NOP2: variants seen among roughly 807,000 people sequenced by gnomAD.
The protein encoded by NOP2 is NOP2 nucleolar protein, also known as 28S rRNA (cytosine(4447)-C(5))-methyltransferase.
A neutral mutation model predicts 72.7 loss-of-function variants in NOP2; 7 were observed. The observed-to-expected ratio is 0.10, with a 90% CI of 0.05 to 0.18. The LOEUF (loss-of-function observed/expected upper bound fraction) is 0.18. Among genes scored for constraint, NOP2 ranks in the 10% least tolerant of loss-of-function variants. The pLI is 1.00. For synonymous variants in NOP2, 387 were observed against 388.0 expected, an observed-to-expected ratio of 1.00 and a Z score of 0.03; for missense variants, 954 against 1,014.7, an observed-to-expected ratio of 0.94 and a Z score of 0.81.
intron 5 of NOP2, among the ~76,000 whole-genome samples, chr12:6,565,717 C>T (rs1216760765): frequency 6.6e-6 from 1 of 151,508 alleles, no homozygotes; most frequent in Non-Finnish European, 1.5e-5. Context: ...TCAAGCAATC[C>T]TCCTGCCTCA....
chr12:6,567,315 A>G (rs1341358789), intron 2 of NOP2, among the ~76,000 whole-genome samples: 3 of 152,130 alleles, frequency 2.0e-5, no homozygotes, highest in African/African-American at 7.2e-5. Flanking sequence ...TACTATCTCA[A>G]TAAACTGCAT....
intron 15 of NOP2, among the ~76,000 whole-genome samples, chr12:6,559,122 T>TA (rs2136168130): frequency 6.6e-6 from 1 of 151,956 alleles, no homozygotes; most frequent in East Asian, 1.9e-4. Flanking sequence ...CACACCTAGC[T>TA]AATTTTTTTT....
chr12:6,565,610 G>A (rs570595945), intron 5 of NOP2, among the ~76,000 whole-genome samples: 188 of 152,186 alleles, frequency 1.2e-3, no homozygotes, highest in South Asian at 7.7e-3. Context: ...AAAGTGCTAG[G>A]ATTATAGGCA....
Position 6,564,572 on chromosome 12 carries a change from C to T in NOP2, c.475-626G>A, listed in dbSNP as rs144736052. 7.9e-3 allele frequency among the ~76,000 whole-genome samples: 1,202 copies of T among 151,838 alleles called. 19 individuals are homozygous for T. Among genetic ancestry groups the T allele is most frequent in the African/African-American group, 0.027 (1,101 of 41,424 alleles). On this transcript the variant is annotated intron_variant, in intron 5 of 15. Coordinates refer to ENST00000322166, the MANE Select transcript of NOP2 (RefSeq NM_001258308.2). ...CCTCCCAAGTAGCTGGGATTATAGG[C>T]GCGCACCACCATGCCCAGCTAATTT...
rs1947632060 is a variant in NOP2, at chr12:6,560,960, T to C, written c.1318A>G (p.Ser440Gly). The change falls in exon 12 of 16, where the codon AGC (serine) becomes GGC (glycine). Residue 440 changes from serine to glycine, a missense_variant. By Grantham distance (56) the Ser-to-Gly change is moderately conservative. Transcript: ENST00000322166. This position sits in a 1 kb window ranked among gnomAD's most constrained non-coding sequence, Gnocchi z 5.0. ...GGGAACTGGCGCCCATCATAGTGGC[T>C]GATAATGGTGTTGGTGACTCCCAGC... is the stretch of plus-strand genomic sequence containing the variant. ...HRLGVTNTII[S>G]HYDGRQFPKV... The C allele has an allele frequency of 6.2e-7, 1 of 1,613,772 alleles. No homozygotes were observed. The highest frequency in any genetic ancestry group is 1.7e-5 in the Admixed American group (1 of 59,972).
intron 2 of NOP2, 55 bp downstream of exon 2, chr12:6,567,761 A>G (rs1477547298): frequency 1.5e-6 from 2 of 1,343,004 alleles, no homozygotes; most frequent in East Asian, 2.3e-5. Flanking sequence ...AGAAGAGGTT[A>G]TAATACAGAA....
At chr12:6,558,764 T>C (rs1007936993) in intron 15 of NOP2, among the ~76,000 whole-genome samples, 1 of 151,608 alleles carries the variant, frequency 6.6e-6, no homozygotes, top group East Asian at 1.9e-4. Flanking sequence ...TCTCCCTTTG[T>C]TGCCCAGACA....
At chr12:6,563,987 C>T (rs1947714938) in intron 5 of NOP2, 41 bp from the exon 6 acceptor site, 5 of 1,602,610 alleles carry the variant, frequency 3.1e-6, no homozygotes, top group Non-Finnish European at 4.3e-6. Flanking sequence ...CCTGCCCTTC[C>T]ATCAGCCCTT....
intron 9 of NOP2, among the ~76,000 whole-genome samples, chr12:6,562,185 T>C (rs1947670034): frequency 6.6e-6 from 1 of 152,088 alleles, no homozygotes; most frequent in African/African-American, 2.4e-5. Context: ...GGATGGGGTT[T>C]CACCATGTTG....
intron 2 of NOP2, 23 bp from the exon 3 acceptor site, chr12:6,566,845 G>A (rs1004871120): frequency 1.2e-5 from 19 of 1,599,620 alleles, no homozygotes; most frequent in Non-Finnish European, 1.6e-5. Context: ...GAAAAACGAG[G>A]CAGAACAAGT....
chr12:6,562,567 G>C (rs888705420), intron 9 of NOP2, among the ~76,000 whole-genome samples: 1 of 152,168 alleles, frequency 6.6e-6, no homozygotes, highest in African/African-American at 2.4e-5. Flanking sequence ...AGTGGCATCT[G>C]ATTTTCTAAG....
rs1437920243 is a variant in NOP2 at position 6,560,203 on chromosome 12, T to C, written c.1684A>G (p.Ser562Gly). The change falls in exon 15 of 16, where the codon AGT becomes GGT. Residue 562 changes from serine (S) to glycine (G), a missense_variant. Transcript: ENST00000322166. The surrounding 1 kb of genome is among the most constrained non-coding windows in gnomAD (Gnocchi z 5.0). Reference sequence around the variant, plus strand: ...TAGAAGCGTCGGGTAGAACGCAGACTGGGGTGGAAGCGCCTTTCTCGAAAG... The same window carrying C: ...TAGAAGCGTCGGGTAGAACGCAGACCGGGGTGGAAGCGCCTTTCTCGAAAG... ...TRFRERRFHP[S>G]LRSTRRFYPH... 2 of 1,613,812 alleles carry C rather than the reference T, an allele frequency of 1.2e-6. No homozygotes were observed. Among genetic ancestry groups the C allele is most frequent in the Non-Finnish European group, 1.7e-6 (2 of 1,179,878 alleles).
rs1947503119 is a variant in NOP2 at position 6,557,148 on chromosome 12, CTGGCAACTGCTGCTT to C, written c.2269_2283del (p.Lys757_Pro761del). 3 of 1,613,864 alleles carry C rather than the reference CTGGCAACTGCTGCTT, an allele frequency of 1.9e-6. No individual in the cohort carries two copies. The highest frequency in any genetic ancestry group is 2.5e-6 in the Non-Finnish European group (3 of 1,179,902). On this transcript the variant is annotated inframe_deletion, in exon 16 of 16. Transcript: ENST00000322166. ...AAGGCAGCTTTCTCAAAAGGCTGCT[CTGGCAACTGCTGCTT>C]CTCAACCCCCTTGGCCCTTCCAAGG...
intron 1 of NOP2, 95 bp from the exon 2 acceptor site, chr12:6,568,017 C>G (rs1313946500): frequency 2.2e-6 from 2 of 912,578 alleles, no homozygotes; most frequent in African/African-American, 3.3e-5. Context: ...AAGGGCACAG[C>G]CTCAACTCAG....
Position 6,566,294 on chromosome 12 carries a change from G to A in NOP2, c.281C>T (p.Pro94Leu), listed in dbSNP as rs763685849. 6.2e-6 allele frequency: 10 copies of A among 1,613,800 alleles called. No homozygotes were observed. Among genetic ancestry groups the A allele is most frequent in the Admixed American group, 5.0e-5 (3 of 60,010 alleles). The change falls in exon 5 of 16, where the codon CCC becomes CTC. Residue 94 changes from proline (P) to leucine (L), a missense_variant. Pro to Leu is a moderately conservative substitution (Grantham distance 98). Coordinates refer to ENST00000322166, the MANE Select transcript of NOP2 (RefSeq NM_001258308.2). ...GAVQTAGKKGPQSLFNAPRGK... is the reference protein window; with the variant it reads ...GAVQTAGKKGLQSLFNAPRGK... ...TCGAGGAGCATTAAATAGGGACTGG[G>A]GTCCCTTCTTACCAGCTGTCTGGAC... is the stretch of plus-strand genomic sequence containing the variant.
intron 3 of NOP2, 46 bp downstream of exon 3, chr12:6,566,731 G>C (rs1343142261): frequency 1.9e-6 from 3 of 1,597,610 alleles, no homozygotes; most frequent in Non-Finnish European, 2.6e-6. Context: ...GGTCAAAGAT[G>C]AGCAGTACCA....
At chr12:6,563,547 C>T in intron 7 of NOP2, 33 bp from the exon 8 acceptor site, 1 of 1,610,540 alleles carries the variant, frequency 6.2e-7, no homozygotes. Flanking sequence ...TCATGATGTC[C>T]TAAGGCCTGG....
At position 6,557,374 on chromosome 12, in the gene NOP2, G is replaced by A. The variant is rs748372861; in HGVS notation, c.2058C>T (p.Ala686=). 3.7e-5 allele frequency: 60 copies of A among 1,613,922 alleles called. No individual in the cohort carries two copies. Among genetic ancestry groups the A allele is most frequent in the African/African-American group, 1.5e-4 (11 of 74,926 alleles). ...FQDSSQPAGK[A]EGIREPKVTG... is the part of the protein sequence containing the mutation. ...TCACCTTTGGCTCCCTGATCCCTTC[G>A]GCTTTTCCAGCTGGCTGACTGCTAT... Residue 686 remains alanine (A), a synonymous_variant, in exon 16 of 16, where the codon GCC becomes GCT. Transcript: ENST00000322166.
At position 6,566,270 on chromosome 12, in the gene NOP2, C is replaced by T. The variant is rs185467201; in HGVS notation, c.305G>A (p.Arg102Gln). The T allele has an allele frequency of 8.1e-6, 13 of 1,613,910 alleles. No homozygotes were observed. The highest frequency in any genetic ancestry group is 1.1e-5 in the South Asian group (1 of 91,084). ...KGPQSLFNAP[R>Q]GKKRPAPGSD... is the part of the protein sequence containing the mutation. ...GCCAGGTGCTGGGCGCTTCTTGCCT[C>T]GAGGAGCATTAAATAGGGACTGGGG... Residue 102 changes from arginine (R) to glutamine (Q), a missense_variant, in exon 5 of 16, where the codon CGA becomes CAA. By Grantham distance (43) the Arg-to-Gln change is conservative. Transcript: ENST00000322166.
Sources: gnomAD v4.1 joint callset for allele counts (sites outside exome capture counted in the v4.1 genomes callset) on GRCh38, gnomAD v4.1.1 for gene constraint, Gnocchi (gnomAD v3.1) non-coding constraint, MANE v1.5 for transcripts, NCBI Gene and HGNC (gene_info 2026-07-23, HGNC 2026-07-21) for gene names.